The following IL12RB1 variants were observed in gnomAD, a reference collection of about 807,000 sequenced individuals.
IL12RB1 encodes the protein interleukin 12 receptor subunit beta 1.
IL12RB1 carries 64 observed loss-of-function variants against 94.4 expected under a neutral mutation model. The observed-to-expected ratio is 0.68, with a 90% CI of 0.55 to 0.83. IL12RB1 has a LOEUF of 0.83. Ranked by LOEUF, IL12RB1 falls within the 40% of genes least tolerant of loss-of-function variation. The pLI, the probability that IL12RB1 is intolerant of heterozygous loss-of-function variation, is 0.00. For synonymous variants in IL12RB1, 362 were observed against 355.5 expected, an observed-to-expected ratio of 1.02 and a Z score of -0.21; for missense variants, 814 against 855.6, an observed-to-expected ratio of 0.95 and a Z score of 0.61.
rs1484134677 is a variant in IL12RB1 at position 18,063,890 on chromosome 19, T to C, written c.1604A>G (p.Gln535Arg). 2 of 1,613,260 alleles carry C rather than the reference T, an allele frequency of 1.2e-6. No homozygotes were observed. Among genetic ancestry groups the C allele is most frequent in the Non-Finnish European group, 1.7e-6 (2 of 1,179,656 alleles). The change falls in exon 13 of 17, where the codon CAG (glutamine) becomes CGG (arginine). Residue 535 changes from glutamine (Q) to arginine (R), a missense_variant. Coordinates refer to ENST00000593993, the MANE Select transcript of IL12RB1 (RefSeq NM_005535.3). ...AWLRGVWSQP[Q>R]RFSIEVQVSD... is the part of the protein sequence containing the mutation. The stretch of plus-strand genomic sequence containing the variant: ...CCTCCACTCACCGATGCTGAAGCGC[T>C]GGGGCTGGCTCCAGACACCCCTCAG...
In IL12RB1 at chr19:18,080,916, A is replaced by G; in HGVS notation, c.325T>C (p.Tyr109His). The change falls in exon 4 of 17, where the codon TAC becomes CAC. Residue 109 changes from tyrosine to histidine, a missense_variant. By Grantham distance (83) the Tyr-to-His change is moderately conservative. Transcript: ENST00000593993. ...GATTCCACCCAGAGTGTGACAGTGT[A>G]CAGCACAGACACCCCAGCCTGGTCG... ...FSDQAGVSVL[Y>H]TVTLWVESWA... 6.2e-7 allele frequency: 1 copy of G among 1,613,658 alleles called. No homozygotes were observed.
chr19:18,062,260 A>G lies in IL12RB1; in HGVS notation c.1636T>C (p.Trp546Arg). The G allele has an allele frequency of 6.2e-7, 1 of 1,612,088 alleles. No individual in the cohort carries two copies. Among genetic ancestry groups the G allele is most frequent in the Middle Eastern group, 1.7e-4 (1 of 6,048 alleles). ...RFSIEVQVSD[W>R]LIFFASLGSF... ...CCCAGGGAGGCGAAGAAGATGAGCC[A>G]ATCAGAAACCTGCACTTCTGAGGTG... Residue 546 changes from tryptophan (W) to arginine (R), a missense_variant, in exon 14 of 17, where the codon TGG (tryptophan) becomes CGG (arginine). Transcript: ENST00000593993.
At position 18,076,074 on chromosome 19, in the gene IL12RB1, G is replaced by C. The variant is rs557796066; in HGVS notation, c.581-206C>G. 1.6e-4 allele frequency among the ~76,000 whole-genome samples: 24 copies of C among 152,216 alleles called. No individual in the cohort carries two copies. In the South Asian group the frequency reaches 1.7e-3, roughly 11 times the overall value. On this transcript the variant is annotated intron_variant, in intron 6 of 16. Transcript: ENST00000593993. ...ATCCCTGCCCCTCAGTTCAAGTCCT[G>C]GCTGCGGCCATCCCTTCGGTCGTGA...
At chr19:18,091,868 C>CTTTTCT (rs2036643989), upstream of IL12RB1, among the ~76,000 whole-genome samples, 1 of 120,494 alleles carries the variant, frequency 8.3e-6, no homozygotes, top group African/African-American at 3.1e-5. Flanking sequence ...CCTGGCTTTT[C>CTTTTCT]TTTTTTTTTT....
At chr19:18,083,944 C>T (rs968003813) in intron 1 of IL12RB1, among the ~76,000 whole-genome samples, 1 of 150,746 alleles carries the variant, frequency 6.6e-6, no homozygotes, top group African/African-American at 2.5e-5. Context: ...CCTCACCATC[C>T]ACCCATTCAC....
chr19:18,061,345 C>G (rs986794376), intron 14 of IL12RB1, 148 bp from the exon 15 acceptor site: 6 of 568,074 alleles, frequency 1.1e-5, no homozygotes, highest in South Asian at 7.4e-5. Flanking sequence ...ATTCTCCTGA[C>G]TCAGCCTCCT....
intron 1 of IL12RB1, among the ~76,000 whole-genome samples, chr19:18,097,640 G>T (rs982232065): frequency 6.6e-6 from 1 of 151,980 alleles, no homozygotes; most frequent in African/African-American, 2.4e-5. Context: ...GGGCCAGCTC[G>T]CCCAGTGGGG....
At chr19:18,096,401 C>CAA (rs34703187) in intron 1 of IL12RB1, among the ~76,000 whole-genome samples, 1 of 151,726 alleles carries the variant, frequency 6.6e-6, no homozygotes, top group Non-Finnish European at 1.5e-5. Context: ...CAATCATCCT[C>CAA]AAAAAAGAAA....
At position 18,078,538 on chromosome 19, in the gene IL12RB1, C is replaced by G. The variant is rs987847796; in HGVS notation, c.410-883G>C. 1.1e-4 allele frequency among the ~76,000 whole-genome samples: 16 copies of G among 151,154 alleles called. 1 individual carries two copies. The highest frequency in any genetic ancestry group is 7.9e-4 in the Admixed American group (12 of 15,182). On this transcript the variant is annotated intron_variant, in intron 4 of 16. Transcript: ENST00000593993. The stretch of plus-strand genomic sequence containing the variant: ...GCTGGCAAGGCTGTGAAGAGACGGG[C>G]ACTTTTGTAAATTGCTTGCCAGAGG...
intron 2 of IL12RB1, among the ~76,000 whole-genome samples, chr19:18,082,788 ACAATATGG>A (rs1462125786): frequency 8.5e-5 from 13 of 152,178 alleles, no homozygotes; most frequent in African/African-American, 2.7e-4. Context: ...AAATGTTCCG[ACAATATGG>A]CCGGGCACGG....
intron 15 of IL12RB1, 44 bp downstream of exon 15, chr19:18,061,078 G>A (rs372237339): frequency 3.1e-5 from 31 of 1,013,526 alleles, no homozygotes; most frequent in Non-Finnish European, 4.3e-5. Context: ...TGTCCAGCAT[G>A]TGCACCCAAT....
chr19:18,079,597 C>CT (rs904298605), intron 4 of IL12RB1, among the ~76,000 whole-genome samples: 39 of 147,308 alleles, frequency 2.6e-4, no homozygotes, highest in Admixed American at 7.5e-4. Context: ...AGATATTCGA[C>CT]TTTTTTTTTT....
intron 13 of IL12RB1, among the ~76,000 whole-genome samples, chr19:18,063,078 ATTTTTTTTTTTTTT>A (rs67262412): frequency 2.8e-3 from 146 of 51,458 alleles, no homozygotes; most frequent in African/African-American, 0.012. Flanking sequence ...TTCTTCTTCT[ATTTTTTTTTTTTTT>A]TTTTTTTTTT....
At chr19:18,065,162 C>G (rs1187990272) in intron 12 of IL12RB1, among the ~76,000 whole-genome samples, 1 of 152,210 alleles carries the variant, frequency 6.6e-6, no homozygotes, top group Admixed American at 6.6e-5. Flanking sequence ...AAGTTTCTGT[C>G]TAACACCACC....
In IL12RB1 at chr19:18,084,652, TCCATCCAG is replaced by T. The variant is rs1478002050; in HGVS notation, c.65-1169_65-1162del. 8.7e-5 allele frequency among the ~76,000 whole-genome samples: 12 copies of T among 138,360 alleles called. No homozygotes were observed. The East Asian group carries it at 2.3e-3, about 27-fold the overall frequency. The allele number at this position is 138,360 out of a possible 152,430, so 90.8% of individuals were successfully genotyped here. On this transcript the variant is annotated intron_variant, in intron 1 of 16. Coordinates refer to ENST00000593993, the MANE Select transcript of IL12RB1 (RefSeq NM_005535.3). ...ATCCATTTATCTACCTACCGATATA[TCCATCCAG>T]CCATCCATCCATCCATCCATCCATC... is the stretch of plus-strand genomic sequence containing the variant.
intron 12 of IL12RB1, 84 bp downstream of exon 12, chr19:18,066,458 G>C: frequency 1.0e-6 from 1 of 979,510 alleles, no homozygotes; most frequent in Non-Finnish European, 1.6e-6. Flanking sequence ...AGGACGGCAA[G>C]GTGCCCAGGG....
Position 18,077,614 on chromosome 19 carries a change from A to C in IL12RB1, c.451T>G (p.Leu151Val). The change falls in exon 5 of 17, where the codon TTG (leucine) becomes GTG (valine). Residue 151 changes from leucine to valine, a missense_variant. Coordinates refer to ENST00000593993, the MANE Select transcript of IL12RB1 (RefSeq NM_005535.3). Reference protein sequence around the residue: ...PPLGDIKVSKLAGQLRMEWET... With the variant: ...PPLGDIKVSKVAGQLRMEWET... ...CACTCCATACGCAGCTGCCCGGCCA[A>C]CTTGGACACCTTGATGTCTCCCAGA... is the stretch of plus-strand genomic sequence containing the variant. 1.9e-6 allele frequency: 3 copies of C among 1,596,308 alleles called. No homozygotes were observed. The highest frequency in any genetic ancestry group is 2.6e-6 in the Non-Finnish European group (3 of 1,163,814).
upstream of IL12RB1, among the ~76,000 whole-genome samples, chr19:18,089,744 C>A (rs2036549189): frequency 6.6e-6 from 1 of 152,176 alleles, no homozygotes; most frequent in African/African-American, 2.4e-5. Context: ...TGGGGATGAG[C>A]ATCTGTGGAA....
At position 18,061,438 on chromosome 19, in the gene IL12RB1, C is replaced by T. The variant is rs903414143; in HGVS notation, c.1716-241G>A. ...TAGAGAGAGGTTTCGCCATGTTGGCCAGGCTGGTGTCCAACTCCTGGCCTA... is the reference window on the plus strand; with the variant it reads ...TAGAGAGAGGTTTCGCCATGTTGGCTAGGCTGGTGTCCAACTCCTGGCCTA... On this transcript the variant is annotated intron_variant, in intron 14 of 16. Coordinates refer to ENST00000593993, the MANE Select transcript of IL12RB1 (RefSeq NM_005535.3). Among the ~76,000 whole-genome samples, 18 of 152,206 alleles carry T rather than the reference C, an allele frequency of 1.2e-4. 1 individual carries two copies. Among genetic ancestry groups the T allele is most frequent in the African/African-American group, 4.1e-4 (17 of 41,538 alleles).
Sources: gnomAD v4.1 joint callset for allele counts (sites outside exome capture counted in the v4.1 genomes callset) on GRCh38, gnomAD v4.1.1 for gene constraint, MANE v1.5 for transcripts, NCBI Gene and HGNC (gene_info 2026-07-23, HGNC 2026-07-21) for gene names.